Variants in ARHGEF33 observed in about 807,000 individuals in gnomAD.
ARHGEF33 encodes Rho guanine nucleotide exchange factor 33.
In ARHGEF33, 72 loss-of-function variants were observed where a neutral mutation model predicts 101.9. The observed-to-expected ratio is 0.71, with a 90% confidence interval of 0.58 to 0.86. The LOEUF is 0.86. Ranked by LOEUF, ARHGEF33 falls within the 40% of genes least tolerant of loss-of-function variation. ARHGEF33 has a pLI of 0.00. For synonymous variants in ARHGEF33, 499 were observed against 442.5 expected (o/e 1.13, Z -1.60); for missense variants, 1,169 against 1,111.3 (o/e 1.05, Z -0.74).
intron 13 of ARHGEF33, among the ~76,000 whole-genome samples, chr2:38,955,208 A>T (rs1360783423): frequency 6.6e-6 from 1 of 152,142 alleles, no homozygotes; most frequent in African/African-American, 2.4e-5. Flanking sequence ...TGCCATGCTT[A>T]AGCTTTATGT....
chr2:38,899,603 C>A (rs1417489495), intron 2 of ARHGEF33, among the ~76,000 whole-genome samples: 1 of 152,040 alleles, frequency 6.6e-6, no homozygotes, highest in African/African-American at 2.4e-5. Context: ...GTACACATTT[C>A]AGTAAGACAG....
At chr2:38,906,602 T>C (rs1666396764) in intron 2 of ARHGEF33, among the ~76,000 whole-genome samples, 1 of 152,138 alleles carries the variant, frequency 6.6e-6, no homozygotes, top group Admixed American at 6.5e-5. Context: ...TTTTCATTGA[T>C]CAACAAAAAT....
At chr2:38,948,700 C>G (rs1030577659) in intron 10 of ARHGEF33, among the ~76,000 whole-genome samples, 1 of 152,098 alleles carries the variant, frequency 6.6e-6, no homozygotes, top group African/African-American at 2.4e-5. Context: ...TCCCATGGTG[C>G]CCTAATATCT....
At chr2:38,949,046 C>A (rs1034547591) in intron 10 of ARHGEF33, among the ~76,000 whole-genome samples, 2 of 152,146 alleles carry the variant, frequency 1.3e-5, no homozygotes, top group Admixed American at 1.3e-4. Context: ...AAGTCTTCCT[C>A]ATATCCTTTC....
At chr2:38,970,728 C>T (rs578074226) in intron 17 of ARHGEF33, among the ~76,000 whole-genome samples, 2 of 152,302 alleles carry the variant, frequency 1.3e-5, no homozygotes, top group Admixed American at 6.5e-5. Context: ...AGGTATAGTA[C>T]GTAGCACATA....
Position 38,957,031 on chromosome 2 carries a change from C to T in ARHGEF33, c.1354C>T (p.Arg452Trp), listed in dbSNP as rs781162421. Residue 452 changes from arginine (R) to tryptophan (W), a missense_variant, in exon 14 of 18, where the codon CGG becomes TGG. Physicochemically the swap from Arg to Trp is moderately radical, Grantham distance 101. Transcript: ENST00000409978. ...QCNEDLLIQK[R>W]KKLKKSSMAK... ...CAATGAAGATTTGCTTATTCAGAAA[C>T]GGAAAAAGCTCAAGAAGTAAGGTTC... 94 of 1,551,790 alleles carry T rather than the reference C, an allele frequency of 6.1e-5. No homozygotes were observed. The highest frequency in any genetic ancestry group is 7.3e-5 in the Non-Finnish European group (84 of 1,147,020).
intron 2 of ARHGEF33, among the ~76,000 whole-genome samples, chr2:38,901,286 G>GT: frequency 6.6e-6 from 1 of 152,190 alleles, no homozygotes; most frequent in Non-Finnish European, 1.5e-5. Context: ...TTCTGGGGAT[G>GT]TTTTAGCACC....
rs570467982 is a variant in ARHGEF33 at position 38,960,306 on chromosome 2, G to C, written c.2001G>C (p.Glu667Asp). The change falls in exon 16 of 18, where the codon GAG becomes GAC. Residue 667 changes from glutamate to aspartate, a missense_variant. By Grantham distance (45) the Glu-to-Asp change is conservative (BLOSUM62 2). Coordinates refer to ENST00000409978, the MANE Select transcript of ARHGEF33 (RefSeq NM_001145451.5). ...LRPVSFAMEA[E>D]RPEHPLQPLP... ...CCGTCAGCTTCGCCATGGAGGCCGA[G>C]CGGCCGGAGCACCCGCTGCAGCCGC... The C allele has an allele frequency of 1.9e-6, 3 of 1,544,654 alleles. No individual in the cohort carries two copies. The highest frequency in any genetic ancestry group is 2.7e-5 in the African/African-American group (2 of 72,842).
At chr2:38,913,493 A>G (rs1666560742) in intron 2 of ARHGEF33, among the ~76,000 whole-genome samples, 1 of 152,222 alleles carries the variant, frequency 6.6e-6, no homozygotes, top group Non-Finnish European at 1.5e-5. Context: ...ACAATCTACC[A>G]GCTGGGCAAG....
At chr2:38,909,706 A>ATTTTTT (rs71813216) in intron 2 of ARHGEF33, among the ~76,000 whole-genome samples, 3 of 111,858 alleles carry the variant, frequency 2.7e-5, no homozygotes, top group Non-Finnish European at 3.7e-5. Context: ...TTCAAGGATG[A>ATTTTTT]TTTTTTTTTT....
chr2:38,954,152 C>G (rs1667683349), intron 12 of ARHGEF33, among the ~76,000 whole-genome samples: 1 of 152,174 alleles, frequency 6.6e-6, no homozygotes, highest in African/African-American at 2.4e-5. Flanking sequence ...TGGGTGGATT[C>G]AAAATAAGTA....
chr2:38,933,762 C>A (rs1332866485), intron 7 of ARHGEF33, among the ~76,000 whole-genome samples: 7 of 152,132 alleles, frequency 4.6e-5, no homozygotes, highest in Non-Finnish European at 1.0e-4. Context: ...GTAAATCCAG[C>A]CTTTACCTAA....
At chr2:38,893,832 T>G (rs1035857620) in intron 1 of ARHGEF33, among the ~76,000 whole-genome samples, 1 of 152,212 alleles carries the variant, frequency 6.6e-6, no homozygotes, top group Admixed American at 6.5e-5. Flanking sequence ...GTGAGTTACC[T>G]CATTTTCCAG....
chr2:38,965,396 C>T (rs1039410711), intron 16 of ARHGEF33, among the ~76,000 whole-genome samples: 2 of 152,224 alleles, frequency 1.3e-5, no homozygotes, highest in African/African-American at 4.8e-5. Context: ...TTACTTTATA[C>T]TCCAAATAGC....
intron 16 of ARHGEF33, among the ~76,000 whole-genome samples, chr2:38,965,541 A>C (rs1023030921): frequency 6.6e-5 from 10 of 152,210 alleles, no homozygotes; most frequent in African/African-American, 2.4e-4. Flanking sequence ...AGAGTTAGGA[A>C]CATGAGTTTA....
chr2:38,918,771 G>A (rs1460297420), intron 2 of ARHGEF33, among the ~76,000 whole-genome samples: 1 of 151,742 alleles, frequency 6.6e-6, no homozygotes, highest in Non-Finnish European at 1.5e-5. Flanking sequence ...GCTGGGTGTG[G>A]TGGCTCACAC....
At position 38,934,901 on chromosome 2, in the gene ARHGEF33, A is replaced by G. The variant is rs962293017; in HGVS notation, c.506-874A>G. 3.3e-5 allele frequency among the ~76,000 whole-genome samples: 5 copies of G among 152,156 alleles called. No individual in the cohort carries two copies. In the East Asian group the frequency reaches 9.7e-4, roughly 30 times the overall value. On this transcript the variant is annotated intron_variant, in intron 7 of 17. Coordinates refer to ENST00000409978, the MANE Select transcript of ARHGEF33 (RefSeq NM_001145451.5). Reference sequence around the variant, plus strand: ...GCCAGGCAAAGACCTGAAGGAAGTGAGAAAGTTCGCTTATGGGTACTGAGG... The same window carrying G: ...GCCAGGCAAAGACCTGAAGGAAGTGGGAAAGTTCGCTTATGGGTACTGAGG...
In ARHGEF33 at chr2:38,960,357, G is replaced by A. The variant is rs1004730982; in HGVS notation, c.2052G>A (p.Ala684=). The change falls in exon 16 of 18, where the codon GCG becomes GCA. Residue 684 remains alanine, a synonymous_variant. Transcript: ENST00000409978. The part of the protein sequence containing the change: ...QPLPKSATSP[A]GSSSAYKLEA... Reference sequence around the variant, plus strand: ...TGCCCAAGAGCGCTACGTCGCCGGCGGGCAGCAGCAGCGCCTACAAACTGG... The same window carrying A: ...TGCCCAAGAGCGCTACGTCGCCGGCAGGCAGCAGCAGCGCCTACAAACTGG... 122 of 1,530,580 alleles carry A rather than the reference G, an allele frequency of 8.0e-5. No individual in the cohort carries two copies. The highest frequency in any genetic ancestry group is 9.7e-5 in the Non-Finnish European group (111 of 1,142,694). 94.8% of individuals were successfully genotyped at this position (1,530,580 alleles called of 1,614,324 possible).
intron 8 of ARHGEF33, among the ~76,000 whole-genome samples, chr2:38,936,532 C>G (rs1234762404): frequency 6.6e-6 from 1 of 152,096 alleles, no homozygotes; most frequent in Non-Finnish European, 1.5e-5. Flanking sequence ...TAAAAAGCTC[C>G]TTATATAGTA....
Sources: allele counts gnomAD v4.1 joint callset (sites outside exome capture counted in the v4.1 genomes callset), GRCh38; gene constraint gnomAD v4.1.1; transcripts MANE v1.5; gene names NCBI Gene and HGNC (gene_info 2026-07-23, HGNC 2026-07-21).